The following GRM7 variants were observed in gnomAD, a reference collection of about 807,000 sequenced individuals.
The protein encoded by GRM7 is metabotropic glutamate receptor 7.
In GRM7, 35 loss-of-function variants were observed where a neutral mutation model predicts 84.5. That is an observed-to-expected ratio of 0.41 (90% CI 0.32 to 0.55). The LOEUF is 0.55. Among genes scored for constraint, GRM7 ranks in the 20% least tolerant of loss-of-function variants. The pLI, the probability that GRM7 is intolerant of heterozygous loss-of-function variation, is 0.19. For synonymous variants in GRM7, 487 were observed against 455.1 expected, an observed-to-expected ratio of 1.07 and a Z score of -0.89; for missense variants, 1,003 against 1,194.6, an observed-to-expected ratio of 0.84 and a Z score of 2.36.
chr3:7,013,052 C>G (rs1327047750), intron 1 of GRM7, among the ~76,000 whole-genome samples: 1 of 151,744 alleles, frequency 6.6e-6, no homozygotes, highest in Non-Finnish European at 1.5e-5. Context: ...CCTGACAACC[C>G]CCAGTTTTTT....
intron 7 of GRM7, among the ~76,000 whole-genome samples, chr3:7,566,498 T>A (rs1045016299): frequency 1.3e-5 from 2 of 152,218 alleles, no homozygotes; most frequent in African/African-American, 4.8e-5. Flanking sequence ...ATAATTGGAA[T>A]AAAAATATCT....
chr3:7,478,691 G>C (rs1286817077), intron 7 of GRM7, among the ~76,000 whole-genome samples: 2 of 150,316 alleles, frequency 1.3e-5, no homozygotes, highest in Non-Finnish European at 2.9e-5. Context: ...TGGGTATGTA[G>C]AACAGTAGGG....
At chr3:7,192,986 A>T (rs1037815283) in intron 2 of GRM7, among the ~76,000 whole-genome samples, 4 of 151,940 alleles carry the variant, frequency 2.6e-5, no homozygotes, top group Non-Finnish European at 5.9e-5. Context: ...CTCCCCTTCA[A>T]TGCCTGCATT....
intron 1 of GRM7, among the ~76,000 whole-genome samples, chr3:7,128,088 C>T (rs1257691864): frequency 1.3e-5 from 2 of 151,182 alleles, no homozygotes; most frequent in Non-Finnish European, 2.9e-5. Context: ...TTATAGATTA[C>T]TCATAATATA....
In GRM7 at chr3:7,245,147, T is replaced by TA. The variant is rs558756806; in HGVS notation, c.737-53531dup. Among the ~76,000 whole-genome samples, 358 of 152,022 alleles carry TA rather than the reference T, an allele frequency of 2.4e-3. 1 individual carries two copies. Among genetic ancestry groups the TA allele is most frequent in the Non-Finnish European group, 3.4e-3 (231 of 67,904 alleles). On this transcript the variant is annotated intron_variant, in intron 2 of 9. Coordinates refer to ENST00000357716, the MANE Select transcript of GRM7 (RefSeq NM_000844.4). ...TGAAACCCAAACTGATTGAAAAATTTAAAAAACAAATAACCTGTGAGATAA... is the reference window on the plus strand; with the variant it reads ...TGAAACCCAAACTGATTGAAAAATTTAAAAAAACAAATAACCTGTGAGATAA...
At chr3:7,203,402 T>C (rs1194270343) in intron 2 of GRM7, among the ~76,000 whole-genome samples, 3 of 152,224 alleles carry the variant, frequency 2.0e-5, no homozygotes, top group Non-Finnish European at 4.4e-5. Flanking sequence ...TTATTTTTTA[T>C]GGCTGAATAG....
intron 4 of GRM7, among the ~76,000 whole-genome samples, chr3:7,318,019 C>G (rs951425984): frequency 1.3e-5 from 2 of 151,724 alleles, no homozygotes; most frequent in Non-Finnish European, 2.9e-5. Flanking sequence ...AAGGTGAAGT[C>G]TAAAATCTGA....
chr3:7,728,107 G>A (rs1702193670), intron 9 of GRM7, among the ~76,000 whole-genome samples: 1 of 152,194 alleles, frequency 6.6e-6, no homozygotes, highest in Non-Finnish European at 1.5e-5. Flanking sequence ...GGACTTGACT[G>A]TGATGGCACA....
chr3:7,051,158 T>C (rs1696986064), intron 1 of GRM7, among the ~76,000 whole-genome samples: 1 of 151,736 alleles, frequency 6.6e-6, no homozygotes, highest in Admixed American at 6.6e-5. Flanking sequence ...GAAACCAGGA[T>C]TTACAATATA....
At chr3:7,712,608 T>C (rs2125166533) in intron 9 of GRM7, among the ~76,000 whole-genome samples, 1 of 151,570 alleles carries the variant, frequency 6.6e-6, no homozygotes. Flanking sequence ...TTGTTAAGTA[T>C]TTGGTTTTGA....
intron 2 of GRM7, among the ~76,000 whole-genome samples, chr3:7,277,752 A>G (rs1293901160): frequency 2.0e-5 from 3 of 152,044 alleles, no homozygotes; most frequent in African/African-American, 4.8e-5. Flanking sequence ...GGATTACGGT[A>G]TGTTAAAATG....
At chr3:7,107,958 G>A (rs9813678) in intron 1 of GRM7, among the ~76,000 whole-genome samples, 61,511 of 151,848 alleles carry the variant, frequency 0.41, 13,284 homozygotes, top group African/African-American at 0.57. Flanking sequence ...TTCATAAAAT[G>A]TTTGAGAGTA....
chr3:7,452,248 T>C (rs553678988), intron 5 of GRM7, among the ~76,000 whole-genome samples: 10 of 144,284 alleles, frequency 6.9e-5, no homozygotes, highest in African/African-American at 2.1e-4. Flanking sequence ...TAGTTTGTTT[T>C]CTGTCATTAT....
chr3:7,433,059 G>A (rs1459174783), intron 5 of GRM7, among the ~76,000 whole-genome samples: 1 of 152,162 alleles, frequency 6.6e-6, no homozygotes, highest in African/African-American at 2.4e-5. Context: ...AAGAAGGAAA[G>A]TAGAGAGGAA....
At chr3:7,434,796 T>G (rs1459252794) in intron 5 of GRM7, among the ~76,000 whole-genome samples, 1 of 152,132 alleles carries the variant, frequency 6.6e-6, no homozygotes, top group Non-Finnish European at 1.5e-5. Flanking sequence ...AGATTAATGC[T>G]GGACACAAAA....
chr3:7,639,646 G>C (rs929205026), intron 8 of GRM7, among the ~76,000 whole-genome samples: 1 of 151,706 alleles, frequency 6.6e-6, no homozygotes, highest in Non-Finnish European at 1.5e-5. Context: ...TTTTAAATTA[G>C]TGATGCTACA....
intron 4 of GRM7, among the ~76,000 whole-genome samples, chr3:7,372,402 G>C (rs761625107): frequency 2.0e-5 from 3 of 152,178 alleles, no homozygotes; most frequent in Non-Finnish European, 4.4e-5. Context: ...CAGGTGTGAA[G>C]TCTTAAGTGA....
chr3:7,167,306 G>T (rs1024104742), intron 2 of GRM7, among the ~76,000 whole-genome samples: 2 of 152,152 alleles, frequency 1.3e-5, no homozygotes, highest in African/African-American at 4.8e-5. Flanking sequence ...CTGTGACACA[G>T]GGCCCTCATC....
At chr3:7,359,278 C>T (rs1322564173) in intron 4 of GRM7, among the ~76,000 whole-genome samples, 1 of 133,292 alleles carries the variant, frequency 7.5e-6, no homozygotes, top group African/African-American at 2.9e-5. Context: ...CTCAGGTTTT[C>T]CCTTTCATTA....
Sources: allele counts gnomAD v4.1 joint callset (sites outside exome capture counted in the v4.1 genomes callset), GRCh38; gene constraint gnomAD v4.1.1; transcripts MANE v1.5; gene names NCBI Gene and HGNC (gene_info 2026-07-23, HGNC 2026-07-21).